The following FAAH2 variants were observed in gnomAD, a reference collection of about 807,000 sequenced individuals.
The protein encoded by FAAH2 is fatty-acid amide hydrolase 2.
FAAH2 carries 60 observed loss-of-function variants against 36.9 expected under a neutral mutation model. The ratio of observed to expected loss-of-function variants is 1.63; its 90% confidence interval spans 1.32 to 2.02. The LOEUF is 2.02. Among genes scored for constraint, FAAH2 ranks in the 30% most tolerant of loss-of-function variants. The pLI, the probability that FAAH2 is intolerant of heterozygous loss-of-function variation, is 0.00. For synonymous variants in FAAH2, 214 were observed against 143.8 expected (o/e 1.49, Z -3.49); for missense variants, 689 against 397.5 (o/e 1.73, Z -6.23).
intron 6 of FAAH2, among the ~76,000 whole-genome samples, chrX:57,380,309 A>T (rs1602467746): frequency 9.0e-6 from 1 of 111,553 alleles, no homozygotes; most frequent in East Asian, 2.8e-4. Flanking sequence ...GATGATGCCA[A>T]AATCTGCCTC....
chrX:57,391,773 T>C (rs1468111287), intron 7 of FAAH2, among the ~76,000 whole-genome samples: 1 of 111,169 alleles, frequency 9.0e-6, no homozygotes, highest in Non-Finnish European at 1.9e-5. Flanking sequence ...CTCTTTTTTC[T>C]TTTTATGAAA....
chrX:57,148,887 G>A, the FAAH2 span, among the ~76,000 whole-genome samples: 1 of 111,548 alleles, frequency 9.0e-6, no homozygotes, highest in South Asian at 3.8e-4. Context: ...TATGATACTG[G>A]CTGTGGGTTT....
intron 5 of FAAH2, among the ~76,000 whole-genome samples, chrX:57,367,313 T>C (rs760309612): frequency 4.4e-4 from 49 of 112,352 alleles, no homozygotes; most frequent in Non-Finnish European, 8.3e-4. Context: ...TATGTTGACA[T>C]TTGTAGTCAT....
At chrX:57,441,179 G>T (rs902416143) in intron 8 of FAAH2, among the ~76,000 whole-genome samples, 1 of 111,672 alleles carries the variant, frequency 9.0e-6, no homozygotes, top group Admixed American at 9.5e-5. Flanking sequence ...CAGAGGGAAT[G>T]GTACTAGCTC....
At chrX:57,135,644 A>G in the FAAH2 span, 2 of 1,011,089 alleles carry the variant, frequency 2.0e-6, no homozygotes, top group Non-Finnish European at 2.6e-6. Flanking sequence ...GCTTACAGAC[A>G]GCATGTCATG....
At chrX:57,485,545 G>A (rs1177251988) in intron 10 of FAAH2, among the ~76,000 whole-genome samples, 2 of 112,069 alleles carry the variant, frequency 1.8e-5, no homozygotes, top group Non-Finnish European at 3.8e-5. Flanking sequence ...TAGCCCAGGG[G>A]AAGGAGGGAT....
chrX:57,458,437 G>GA (rs1394503191), intron 10 of FAAH2, among the ~76,000 whole-genome samples: 1 of 110,707 alleles, frequency 9.0e-6, no homozygotes, highest in African/African-American at 3.3e-5. Context: ...AGGTTGCAGT[G>GA]AATCGAGATG....
intron 3 of FAAH2, among the ~76,000 whole-genome samples, chrX:57,326,313 C>T (rs2053214103): frequency 8.8e-6 from 1 of 113,141 alleles, no homozygotes; most frequent in South Asian, 3.4e-4. Flanking sequence ...AATGTATATT[C>T]TGTTGATTTG....
Position 57,293,515 on chromosome X carries a change from C to T in FAAH2, c.275+935C>T, listed in dbSNP as rs138551388. On this transcript the variant is annotated intron_variant, in intron 2 of 10. Transcript: ENST00000374900. ...GATTCAAGAATATGGATATGTGATG[C>T]CAAGCTTACATAACAGAACTATGGG... Among the ~76,000 whole-genome samples the T allele has an allele frequency of 2.1e-4, 23 of 111,614 alleles. No homozygotes were observed. In the East Asian group the frequency reaches 6.5e-3, roughly 31 times the overall value.
upstream of FAAH2, among the ~76,000 whole-genome samples, chrX:57,282,641 T>C (rs2051764864): frequency 8.9e-6 from 1 of 112,175 alleles, no homozygotes; most frequent in South Asian, 3.7e-4. Flanking sequence ...AGGATCTTTA[T>C]TTGTAGCTTA....
the FAAH2 span, among the ~76,000 whole-genome samples, chrX:57,139,105 G>A: frequency 8.9e-6 from 1 of 112,121 alleles, no homozygotes; most frequent in African/African-American, 3.2e-5. Flanking sequence ...GTGCTTTGAG[G>A]TCTTACTCAA....
the FAAH2 span, among the ~76,000 whole-genome samples, chrX:57,262,683 G>A: frequency 1.8e-5 from 2 of 111,331 alleles, no homozygotes; most frequent in South Asian, 7.4e-4. Context: ...CAGACTAATA[G>A]CTCTAATTAA....
chrX:57,359,703 A>C (rs945394962), intron 5 of FAAH2, among the ~76,000 whole-genome samples: 1 of 111,766 alleles, frequency 8.9e-6, no homozygotes, highest in Non-Finnish European at 1.9e-5. Context: ...CCAGAATTAG[A>C]AGTGATTTAT....
intron 5 of FAAH2, among the ~76,000 whole-genome samples, chrX:57,358,895 T>C (rs770566318): frequency 7.2e-5 from 8 of 111,253 alleles, no homozygotes; most frequent in Non-Finnish European, 1.5e-4. Context: ...AGTTATTTTT[T>C]ATTTTTGTGG....
intron 10 of FAAH2, chrX:57,452,312 G>A: frequency 2.7e-6 from 2 of 754,517 alleles, no homozygotes; most frequent in Non-Finnish European, 3.1e-6. Context: ...TATATGTCAG[G>A]TTTGGCAAAA....
At chrX:57,339,230 G>A (rs1391104870) in intron 4 of FAAH2, among the ~76,000 whole-genome samples, 1 of 112,114 alleles carries the variant, frequency 8.9e-6, no homozygotes, top group African/African-American at 3.2e-5. Flanking sequence ...GTTGAAACTG[G>A]ACCCTTTCTT....
chrX:57,415,458 A>G, intron 7 of FAAH2, among the ~76,000 whole-genome samples: 1 of 111,622 alleles, frequency 9.0e-6, no homozygotes, highest in Middle Eastern at 4.6e-3. Context: ...GAACTTCTTT[A>G]CTTCTGCTTT....
At position 57,479,952 on chromosome X, in the gene FAAH2, T is replaced by C. The variant is rs926448103; in HGVS notation, c.1424-8805T>C. ...GATATCACCACCAATCCCACAGGAA[T>C]ACAAACTACCATCAGAGAATACTAC... On this transcript the variant is annotated intron_variant, in intron 10 of 10. Coordinates refer to ENST00000374900, the MANE Select transcript of FAAH2 (RefSeq NM_174912.4). 2.7e-5 allele frequency among the ~76,000 whole-genome samples: 3 copies of C among 111,708 alleles called. No individual in the cohort carries two copies. The Admixed American group carries it at 2.9e-4, about 11-fold the overall frequency.
chrX:57,347,972 G>C (rs1244590500), intron 5 of FAAH2, among the ~76,000 whole-genome samples: 1 of 110,768 alleles, frequency 9.0e-6, no homozygotes, highest in African/African-American at 3.3e-5. Flanking sequence ...AGTTATCTGT[G>C]GTTTGTTGGA....
Sources: allele counts gnomAD v4.1 joint callset (sites outside exome capture counted in the v4.1 genomes callset), GRCh38; gene constraint gnomAD v4.1.1; transcripts MANE v1.5; gene names NCBI Gene and HGNC (gene_info 2026-07-23, HGNC 2026-07-21).